The following SNTG2 variants were observed in gnomAD, a reference collection of about 807,000 sequenced individuals.
The protein encoded by SNTG2 is syntrophin gamma 2, also known as gamma-2-syntrophin.
A neutral mutation model predicts 70.9 loss-of-function variants in SNTG2; 74 were observed. That is an observed-to-expected ratio of 1.04 (90% CI 0.86 to 1.27). The LOEUF (loss-of-function observed/expected upper bound fraction) is 1.27. Among genes scored for constraint, SNTG2 ranks in the 50% most tolerant of loss-of-function variants. The probability of loss-of-function intolerance (pLI) is 0.00; values close to 1 mark genes in which losing one functional copy is unlikely to be tolerated. For synonymous variants in SNTG2, 278 were observed against 273.8 expected (o/e 1.02, Z -0.15); for missense variants, 717 against 690.7 (o/e 1.04, Z -0.43).
At chr2:1,305,240 T>G (rs971026112) in intron 14 of SNTG2, among the ~76,000 whole-genome samples, 1 of 152,222 alleles carries the variant, frequency 6.6e-6, no homozygotes, top group Non-Finnish European at 1.5e-5. Context: ...TCCTGCAGCC[T>G]CAACATCTTA....
At position 1,134,108 on chromosome 2, in the gene SNTG2, T is replaced by C. The variant is rs147147553; in HGVS notation, c.326-3514T>C. Among the ~76,000 whole-genome samples the C allele has an allele frequency of 5.6e-4, 86 of 152,272 alleles. 1 individual carries two copies. The East Asian group carries it at 0.014, about 26-fold the overall frequency. ...TTGTTGGTTCCTCCCTGTGGGTTTG[T>C]GGTCTCGCTGGCTTCAGGAGTGAAG... On this transcript the variant is annotated intron_variant, in intron 4 of 16. Transcript: ENST00000308624.
chr2:1,069,276 A>G (rs1261808378), intron 1 of SNTG2, among the ~76,000 whole-genome samples: 1 of 151,986 alleles, frequency 6.6e-6, no homozygotes, highest in Non-Finnish European at 1.5e-5. Context: ...GCCAAAATAT[A>G]TGATGTGGGG....
chr2:1,101,798 A>C (rs1427044642), intron 4 of SNTG2, among the ~76,000 whole-genome samples: 1 of 152,160 alleles, frequency 6.6e-6, no homozygotes, highest in Non-Finnish European at 1.5e-5. Context: ...CCTCTTCTGG[A>C]TGAGCAGGTC....
intron 6 of SNTG2, among the ~76,000 whole-genome samples, chr2:1,156,310 G>A (rs1281514796): frequency 2.0e-5 from 3 of 152,254 alleles, no homozygotes; most frequent in East Asian, 1.9e-4. Flanking sequence ...CTTTTGTTGG[G>A]GGGGATGGGG....
chr2:1,148,619 G>A (rs560683078), intron 6 of SNTG2, among the ~76,000 whole-genome samples: 139 of 152,306 alleles, frequency 9.1e-4, no homozygotes, highest in Non-Finnish European at 1.7e-3. Context: ...GAGCTCCCGG[G>A]GCGGGATGCA....
chr2:951,332 T>C (rs1659954643), intron 1 of SNTG2, among the ~76,000 whole-genome samples: 1 of 152,220 alleles, frequency 6.6e-6, no homozygotes, highest in South Asian at 2.1e-4. Flanking sequence ...AGGTTTGGTT[T>C]TGAGGCGCCC....
intron 1 of SNTG2, among the ~76,000 whole-genome samples, chr2:1,078,532 G>GGC (rs1664074369): frequency 6.6e-6 from 1 of 152,014 alleles, no homozygotes; most frequent in South Asian, 2.1e-4. Flanking sequence ...CAGGCACGGC[G>GGC]GCGCTGCAGG....
chr2:1,204,370 CA>C (rs1210300489), intron 8 of SNTG2, among the ~76,000 whole-genome samples: 1 of 152,182 alleles, frequency 6.6e-6, no homozygotes, highest in Middle Eastern at 3.2e-3. Context: ...GTAGAAAATA[CA>C]GCAACATGTA....
intron 1 of SNTG2, among the ~76,000 whole-genome samples, chr2:953,742 T>C (rs959839294): frequency 2.6e-5 from 4 of 152,208 alleles, no homozygotes; most frequent in Non-Finnish European, 5.9e-5. Flanking sequence ...TTGAATGAGG[T>C]CCAATTAAGA....
intron 1 of SNTG2, among the ~76,000 whole-genome samples, chr2:999,352 G>T (rs1393613315): frequency 1.3e-5 from 2 of 152,016 alleles, no homozygotes; most frequent in African/African-American, 4.8e-5. Flanking sequence ...TGGCTAAATT[G>T]ATTTAAAACA....
At chr2:1,265,348 A>G (rs1678664523) in intron 13 of SNTG2, among the ~76,000 whole-genome samples, 1 of 152,184 alleles carries the variant, frequency 6.6e-6, no homozygotes, top group African/African-American at 2.4e-5. Flanking sequence ...ATTCACGTAC[A>G]CACACATTCA....
At chr2:1,130,793 C>T (rs138327541) in intron 4 of SNTG2, among the ~76,000 whole-genome samples, 22 of 152,140 alleles carry the variant, frequency 1.4e-4, no homozygotes, top group Non-Finnish European at 2.4e-4. Context: ...CATGGCCCTT[C>T]GTGATGAGTC....
At chr2:1,003,655 T>C (rs1659477427) in intron 1 of SNTG2, among the ~76,000 whole-genome samples, 1 of 152,206 alleles carries the variant, frequency 6.6e-6, no homozygotes. Flanking sequence ...CAGCCAAGTG[T>C]TTCTGTGAGA....
At chr2:1,225,316 T>C (rs1236611655) in intron 9 of SNTG2, among the ~76,000 whole-genome samples, 3 of 152,222 alleles carry the variant, frequency 2.0e-5, no homozygotes, top group Non-Finnish European at 4.4e-5. Context: ...TATCCTCGTT[T>C]TAAATGCAGT....
chr2:1,152,400 T>C (rs4281933), intron 6 of SNTG2, among the ~76,000 whole-genome samples: 150,533 of 152,366 alleles, frequency 0.99, 74,387 homozygotes, highest in Middle Eastern at 1. Context: ...TGCATGCTGG[T>C]GTGCATATAC....
At chr2:1,086,197 T>TA (rs1664672371) in intron 2 of SNTG2, among the ~76,000 whole-genome samples, 1 of 152,102 alleles carries the variant, frequency 6.6e-6, no homozygotes, top group Non-Finnish European at 1.5e-5. Context: ...ACTATTAAAA[T>TA]AGTGTGAGTT....
intron 1 of SNTG2, among the ~76,000 whole-genome samples, chr2:1,043,745 G>A (rs1324869890): frequency 6.6e-6 from 1 of 152,048 alleles, no homozygotes; most frequent in Non-Finnish European, 1.5e-5. Flanking sequence ...TTATTTTTGG[G>A]TTCTCTAATT....
chr2:1,181,471 A>C (rs1174152751), intron 8 of SNTG2, among the ~76,000 whole-genome samples: 1 of 152,136 alleles, frequency 6.6e-6, no homozygotes, highest in Non-Finnish European at 1.5e-5. Flanking sequence ...GATGGAGCAA[A>C]AAGCAAAGTT....
chr2:1,355,138 C>A (rs1002722819), intron 16 of SNTG2, among the ~76,000 whole-genome samples: 2 of 152,234 alleles, frequency 1.3e-5, no homozygotes, highest in African/African-American at 4.8e-5. Context: ...GCCATTTATA[C>A]CTTCCACTGT....
Sources: allele counts gnomAD v4.1 joint callset (sites outside exome capture counted in the v4.1 genomes callset), GRCh38; gene constraint gnomAD v4.1.1; transcripts MANE v1.5; gene names NCBI Gene and HGNC (gene_info 2026-07-23, HGNC 2026-07-21).